The following TCF20 variants were observed in gnomAD, a reference collection of about 807,000 sequenced individuals.
The protein encoded by TCF20 is transcription factor 20, also known as SPRE-binding protein.
In TCF20, 3 loss-of-function variants were observed where a neutral mutation model predicts 148.6. The ratio of observed to expected loss-of-function variants is 0.02; its 90% CI spans 0.01 to 0.05. The LOEUF (loss-of-function observed/expected upper bound fraction) is 0.05. TCF20 is among the 10% of genes least tolerant of loss of function. The pLI, the probability that TCF20 is intolerant of heterozygous loss-of-function variation, is 1.00. For missense variants in TCF20, 2,350 were observed against 2,429.3 expected (o/e 0.97, Z 0.69); for synonymous variants, 1,049 against 909.5 (o/e 1.15, Z -2.76).
intron 1 of TCF20, among the ~76,000 whole-genome samples, chr22:42,225,367 C>T (rs916457813): frequency 9.2e-5 from 14 of 151,726 alleles, no homozygotes; most frequent in African/African-American, 1.7e-4. Context: ...GTAATCCCAG[C>T]ACTTTGGGAG....
In TCF20 at chr22:42,168,710, G is replaced by T. The variant is rs747866895; in HGVS notation, c.5826C>A (p.Pro1942=). Residue 1942 remains proline (P), a synonymous_variant, in exon 5 of 6, where the codon CCC becomes CCA. Transcript: ENST00000677622. ...TGCCTTTCGCGGTCTTGTTCTGCAAGGGGGGGAGAGGGCACGGAAGGGGAG... is the reference window on the plus strand; with the variant it reads ...TGCCTTTCGCGGTCTTGTTCTGCAATGGGGGGAGAGGGCACGGAAGGGGAG... The part of the protein sequence containing the change: ...HKPPLPCPLP[P]LQNKTAKGSL... 5 of 1,609,446 alleles carry T rather than the reference G, an allele frequency of 3.1e-6. No individual in the cohort carries two copies. The highest frequency in any genetic ancestry group is 1.7e-5 in the Admixed American group (1 of 59,614).
Position 42,212,645 on chromosome 22 carries a change from G to A in TCF20, c.2661C>T (p.His887=), listed in dbSNP as rs201660335. The A allele has an allele frequency of 3.0e-3, 4,865 of 1,614,160 alleles. 163 individuals are homozygous for A. In the South Asian group the frequency reaches 0.05, roughly 17 times the overall value. The change falls in exon 2 of 6, where the codon CAC becomes CAT. Residue 887 remains histidine, a synonymous_variant. Coordinates refer to ENST00000677622, the MANE Select transcript of TCF20 (RefSeq NM_001378418.1). ...VRDPGAHSLG[H]MSADTRIGRN... ...TCCCAATTCTGGTGTCGGCACTCAT[G>A]TGTCCCAGTGAGTGAGCCCCTGGGT...
intron 1 of TCF20, among the ~76,000 whole-genome samples, chr22:42,249,015 A>G (rs780418755): frequency 6.6e-6 from 1 of 152,180 alleles, no homozygotes; most frequent in Non-Finnish European, 1.5e-5. Flanking sequence ...AGAGCCCTCT[A>G]TGTTGGTGGG....
chr22:42,176,096 C>G (rs1601526645), intron 3 of TCF20, among the ~76,000 whole-genome samples: 1 of 152,188 alleles, frequency 6.6e-6, no homozygotes, highest in Admixed American at 6.5e-5. Flanking sequence ...ACACCTGGCA[C>G]TCTGTTTCTG....
chr22:42,189,155 T>C (rs567963022), intron 2 of TCF20, among the ~76,000 whole-genome samples: 1 of 152,158 alleles, frequency 6.6e-6, no homozygotes, highest in Admixed American at 6.5e-5. Flanking sequence ...TTAGGGATGA[T>C]ATGGAAGAGT....
rs1937544104 is a variant in TCF20 at position 42,195,468 on chromosome 22, GC to G, written c.5655+14182del. ...TATACGTAGATTAAAATTCTGACCA[GC>G]ATATTCACAAATTATTTCCAATATT... On this transcript the variant is annotated intron_variant, in intron 2 of 5. Coordinates refer to ENST00000677622, the MANE Select transcript of TCF20 (RefSeq NM_001378418.1). Among the ~76,000 whole-genome samples, 6 of 150,632 alleles carry G rather than the reference GC, an allele frequency of 4.0e-5. No individual in the cohort carries two copies. In the South Asian group the frequency reaches 1.3e-3, roughly 32 times the overall value.
chr22:42,226,465 G>A (rs1377934842), intron 1 of TCF20, among the ~76,000 whole-genome samples: 1 of 152,192 alleles, frequency 6.6e-6, no homozygotes, highest in Non-Finnish European at 1.5e-5. Context: ...CACTTCGGAA[G>A]GCTGAGGCAG....
chr22:42,331,301 C>G (rs536470340), intron 1 of TCF20, among the ~76,000 whole-genome samples: 3 of 152,218 alleles, frequency 2.0e-5, no homozygotes, highest in Non-Finnish European at 2.9e-5. Flanking sequence ...CCAGTCCTGC[C>G]GCACGCCCTG....
chr22:42,207,261 C>T (rs1478771614), intron 2 of TCF20, among the ~76,000 whole-genome samples: 1 of 152,132 alleles, frequency 6.6e-6, no homozygotes, highest in African/African-American at 2.4e-5. Context: ...CCCACACAAC[C>T]CTACCATCCT....
At chr22:42,169,478 C>T (rs371564926) in intron 4 of TCF20, among the ~76,000 whole-genome samples, 98 of 152,326 alleles carry the variant, frequency 6.4e-4, no homozygotes, top group African/African-American at 2.3e-3. Context: ...TTGCACAGGC[C>T]TCAAGGCCTA....
intron 3 of TCF20, among the ~76,000 whole-genome samples, chr22:42,174,212 A>C (rs1398066363): frequency 1.3e-5 from 2 of 151,916 alleles, no homozygotes; most frequent in African/African-American, 4.9e-5. Flanking sequence ...TGGCCACTTA[A>C]GTTTACATTA....
chr22:42,175,970 AT>A (rs1403986739), intron 3 of TCF20, among the ~76,000 whole-genome samples: 1 of 148,966 alleles, frequency 6.7e-6, no homozygotes, highest in Non-Finnish European at 1.5e-5. Context: ...AATTTTTTGT[AT>A]TTTTTGTAGA....
rs762180232 is a variant in TCF20, at chr22:42,213,322, C to A, written c.1984G>T (p.Gly662Trp). ...TCGCCATTCTTGTTTCCTTTGCTCC[C>A]TCCTCCTCCTGGAGGCTCTGGCTGG... ...LPQPEPPGGG[G>W]SKGNKNGDNN... Residue 662 changes from glycine (G) to tryptophan (W), a missense_variant, in exon 2 of 6, where the codon GGG (glycine) becomes TGG (tryptophan). By Grantham distance (184) the Gly-to-Trp change is radical. This residue lies in a region of TCF20 where 1,641 missense variants were observed against 1,662.6 expected (regional missense o/e 0.99). Coordinates refer to ENST00000677622, the MANE Select transcript of TCF20 (RefSeq NM_001378418.1). 3.7e-6 allele frequency: 6 copies of A among 1,614,058 alleles called. No individual in the cohort carries two copies. The East Asian group carries it at 1.3e-4, about 36-fold the overall frequency.
At chr22:42,305,248 C>G (rs910092195) in intron 1 of TCF20, among the ~76,000 whole-genome samples, 1 of 152,160 alleles carries the variant, frequency 6.6e-6, no homozygotes, top group African/African-American at 2.4e-5. Context: ...GCCCAATCCC[C>G]TAATTCATAC....
chr22:42,178,676 G>A (rs1340542393), intron 3 of TCF20, among the ~76,000 whole-genome samples: 2 of 146,380 alleles, frequency 1.4e-5, no homozygotes, highest in African/African-American at 5.1e-5. Context: ...TCTGCCTCCC[G>A]GGTTCAAGTG....
At position 42,161,407 on chromosome 22, in the gene TCF20, C is replaced by A. The variant is rs549776874; in HGVS notation, c.*45-49G>T. 4 of 1,613,260 alleles carry A rather than the reference C, an allele frequency of 2.5e-6. No homozygotes were observed. The Admixed American group carries it at 5.0e-5, about 20-fold the overall frequency. On this transcript the variant is annotated intron_variant, in intron 5 of 5. Coordinates refer to ENST00000677622, the MANE Select transcript of TCF20 (RefSeq NM_001378418.1). ...GAAGGCCAGGAGCCTCCACAGGGTCCACCACCAACAGCCGCTGTTCCGTGG... is the reference window on the plus strand; with the variant it reads ...GAAGGCCAGGAGCCTCCACAGGGTCAACCACCAACAGCCGCTGTTCCGTGG...
chr22:42,168,490 G>T, intron 5 of TCF20, 119 bp downstream of exon 5: 1 of 1,387,200 alleles, frequency 7.2e-7, no homozygotes, highest in Non-Finnish European at 9.6e-7. Context: ...CATCCACCTG[G>T]CGTTGTCATC....
intron 2 of TCF20, among the ~76,000 whole-genome samples, chr22:42,184,248 T>C (rs746488909): frequency 2.0e-5 from 3 of 152,312 alleles, no homozygotes; most frequent in Admixed American, 6.5e-5. Context: ...AAAGATCACA[T>C]AGCTAGTAAG....
intron 3 of TCF20, 87 bp downstream of exon 3, chr22:42,179,522 G>GAAA: frequency 1.7e-6 from 1 of 587,324 alleles, no homozygotes; most frequent in Admixed American, 3.4e-5. Flanking sequence ...GAAAAGAAAA[G>GAAA]AAAAAAAACA....
Sources: gnomAD v4.1 joint callset for allele counts (sites outside exome capture counted in the v4.1 genomes callset) on GRCh38, gnomAD v4.1.1 for gene constraint, gnomAD v4.1.1 regional missense constraint, MANE v1.5 for transcripts, NCBI Gene and HGNC (gene_info 2026-07-23, HGNC 2026-07-21) for gene names.